ST8SIA2: variants seen among roughly 807,000 people sequenced by gnomAD.
ST8SIA2 encodes ST8 alpha-N-acetyl-neuraminide alpha-2,8-sialyltransferase 2, also known as alpha-2,8-sialyltransferase 8B.
A neutral mutation model predicts 37.6 loss-of-function variants in ST8SIA2; 22 were observed. The observed-to-expected ratio is 0.58, with a 90% CI of 0.42 to 0.83. ST8SIA2 has a LOEUF of 0.83. Among genes scored for constraint, ST8SIA2 ranks in the 40% least tolerant of loss-of-function variants. The probability of loss-of-function intolerance (pLI) is 0.00; values close to 1 mark genes in which losing one functional copy is unlikely to be tolerated. For synonymous variants in ST8SIA2, 205 were observed against 201.2 expected, an observed-to-expected ratio of 1.02 and a Z score of -0.16; for missense variants, 382 against 484.7, an observed-to-expected ratio of 0.79 and a Z score of 1.99.
At chr15:92,443,239 T>C (rs907461255) in intron 4 of ST8SIA2, among the ~76,000 whole-genome samples, 20 of 152,176 alleles carry the variant, frequency 1.3e-4, no homozygotes, top group African/African-American at 4.3e-4. Context: ...AGACTTATTT[T>C]CACTGGTCAA....
intron 5 of ST8SIA2, among the ~76,000 whole-genome samples, chr15:92,445,602 G>GA (rs1273093134): frequency 6.6e-6 from 1 of 152,138 alleles, no homozygotes; most frequent in African/African-American, 2.4e-5. Flanking sequence ...CTAAGATGGA[G>GA]GGGAACTTTA....
At chr15:92,407,728 C>G (rs2049519026) in intron 1 of ST8SIA2, among the ~76,000 whole-genome samples, 1 of 152,176 alleles carries the variant, frequency 6.6e-6, no homozygotes, top group Admixed American at 6.5e-5. Flanking sequence ...TCTGCTCTTC[C>G]AGATAAAGAA....
chr15:92,420,364 G>A (rs543271268), intron 1 of ST8SIA2, among the ~76,000 whole-genome samples: 23 of 152,282 alleles, frequency 1.5e-4, no homozygotes, highest in African/African-American at 4.6e-4. Context: ...GATCAGGAAC[G>A]ATTGCAGTGA....
At chr15:92,438,175 C>T (rs891024365) in intron 3 of ST8SIA2, among the ~76,000 whole-genome samples, 178 bp from the exon 4 acceptor site, 2 of 152,212 alleles carry the variant, frequency 1.3e-5, no homozygotes, top group Non-Finnish European at 2.9e-5. Flanking sequence ...TGCTTCTGGG[C>T]CACTTCTGGC....
At chr15:92,420,906 A>T (rs898820407) in intron 1 of ST8SIA2, 2 of 152,286 alleles carry the variant, frequency 1.3e-5, no homozygotes, top group Non-Finnish European at 2.9e-5. Flanking sequence ...TAGGAAAAGT[A>T]TCTCAAAGGC....
At chr15:92,394,902 G>C (rs1019835076) in intron 1 of ST8SIA2, among the ~76,000 whole-genome samples, 1 of 152,186 alleles carries the variant, frequency 6.6e-6, no homozygotes, top group East Asian at 1.9e-4. Context: ...CCGCCGCCCG[G>C]TGGGCTTCTG....
chr15:92,467,200 G>GA lies in ST8SIA2; in HGVS notation c.*2819dup, dbSNP rs1277180260. 1 of 153,144 alleles carries GA rather than the reference G, an allele frequency of 6.5e-6. No homozygotes were observed. The highest frequency in any genetic ancestry group is 2.4e-5 in the African/African-American group (1 of 41,418). 9.5% of individuals were successfully genotyped at this position (153,144 alleles called of 1,614,324 possible). The stretch of plus-strand genomic sequence containing the variant: ...AGCCTTCTGAAATGAGATCTACCCT[G>GA]AAAATCTCTTCTCCTTCCCCTTTCT... On this transcript the variant is annotated 3_prime_UTR_variant, in exon 6 of 6. Coordinates refer to ENST00000268164, the MANE Select transcript of ST8SIA2 (RefSeq NM_006011.4).
intron 5 of ST8SIA2, among the ~76,000 whole-genome samples, chr15:92,456,739 G>A (rs1269162967): frequency 6.6e-6 from 1 of 152,168 alleles, no homozygotes; most frequent in African/African-American, 2.4e-5. Context: ...AGATGTGCAG[G>A]CCCAGATCCC....
chr15:92,418,304 CA>C (rs947515466), intron 1 of ST8SIA2, among the ~76,000 whole-genome samples: 31 of 145,226 alleles, frequency 2.1e-4, no homozygotes, highest in South Asian at 8.7e-4. Flanking sequence ...AAATAACAAA[CA>C]AAAAAAAAAT....
intron 1 of ST8SIA2, among the ~76,000 whole-genome samples, chr15:92,424,576 G>A (rs1228115528): frequency 2.6e-5 from 4 of 151,554 alleles, no homozygotes; most frequent in Non-Finnish European, 2.9e-5. Flanking sequence ...TCTACTAGGA[G>A]AGAATATAAT....
chr15:92,395,702 G>A (rs1567207892), intron 1 of ST8SIA2, among the ~76,000 whole-genome samples: 1 of 152,188 alleles, frequency 6.6e-6, no homozygotes, highest in Non-Finnish European at 1.5e-5. Context: ...TCACGTCTTG[G>A]GGTAATGGAA....
At chr15:92,442,937 G>A (rs994803250) in intron 4 of ST8SIA2, among the ~76,000 whole-genome samples, 20 of 152,034 alleles carry the variant, frequency 1.3e-4, no homozygotes, top group African/African-American at 4.4e-4. Flanking sequence ...CTCACACACT[G>A]GGCCTCCATT....
At chr15:92,448,122 TAAGCCCTTTAAACAA>T (rs966929882) in intron 5 of ST8SIA2, among the ~76,000 whole-genome samples, 38 of 152,174 alleles carry the variant, frequency 2.5e-4, no homozygotes, top group Admixed American at 1.8e-3. Flanking sequence ...GCACCAGTAA[TAAGCCCTTTAAACAA>T]ACAGGCTGTT....
At chr15:92,448,812 A>G (rs1034938314) in intron 5 of ST8SIA2, among the ~76,000 whole-genome samples, 1 of 152,188 alleles carries the variant, frequency 6.6e-6, no homozygotes, top group East Asian at 1.9e-4. Flanking sequence ...GCAGTGGACT[A>G]AGTTAAACCA....
At chr15:92,439,387 C>T (rs1057378890) in intron 4 of ST8SIA2, among the ~76,000 whole-genome samples, 1 of 152,202 alleles carries the variant, frequency 6.6e-6, no homozygotes, top group Non-Finnish European at 1.5e-5. Flanking sequence ...ACAAGGTTGC[C>T]CATGGCCCTG....
At position 92,403,161 on chromosome 15, in the gene ST8SIA2, G is replaced by T. The variant is rs116409477; in HGVS notation, c.98+8999G>T. On this transcript the variant is annotated intron_variant, in intron 1 of 5. Transcript: ENST00000268164. ...CTCAACCTTCCCAAGCACCCTGTTAGTCCATTTGCAGATGAGGAAATGGAG... is the reference window on the plus strand; with the variant it reads ...CTCAACCTTCCCAAGCACCCTGTTATTCCATTTGCAGATGAGGAAATGGAG... 3.4e-3 allele frequency among the ~76,000 whole-genome samples: 521 copies of T among 152,280 alleles called. 4 individuals carry two copies. Among genetic ancestry groups the T allele is most frequent in the African/African-American group, 0.012 (497 of 41,556 alleles).
In ST8SIA2 at chr15:92,464,623, A is replaced by G. The variant is rs2049980141; in HGVS notation, c.*238A>G. On this transcript the variant is annotated 3_prime_UTR_variant, in exon 6 of 6. Coordinates refer to ENST00000268164, the MANE Select transcript of ST8SIA2 (RefSeq NM_006011.4). Reference sequence around the variant, plus strand: ...GATAGGCCACAGGAAGAAGGTGTGGAGAACCCACCTGAACCAGATTGAGAC... The same window carrying G: ...GATAGGCCACAGGAAGAAGGTGTGGGGAACCCACCTGAACCAGATTGAGAC... 1.8e-6 allele frequency: 1 copy of G among 568,930 alleles called. No individual in the cohort carries two copies. The highest frequency in any genetic ancestry group is 3.0e-5 in the East Asian group (1 of 33,024). The allele number at this position is 568,930 out of a possible 1,614,324, so 35.2% of individuals were successfully genotyped here.
intron 1 of ST8SIA2, among the ~76,000 whole-genome samples, chr15:92,399,322 A>T (rs2049453911): frequency 6.6e-6 from 1 of 152,234 alleles, no homozygotes; most frequent in African/African-American, 2.4e-5. Flanking sequence ...CTGACCCATC[A>T]GAACTGATGC....
In ST8SIA2 at chr15:92,466,255, T is replaced by C. The variant is rs1305153264; in HGVS notation, c.*1870T>C. The C allele has an allele frequency of 1.3e-5, 2 of 152,240 alleles. No homozygotes were observed. The highest frequency in any genetic ancestry group is 4.8e-5 in the African/African-American group (2 of 41,464). 9.4% of individuals were successfully genotyped at this position (152,240 alleles called of 1,614,324 possible). Reference sequence around the variant, plus strand: ...ATATTTTAAAAAGCAACAGCCCTAATAGCCTCTGTGGGAACTGAGTGGTTT... The same window carrying C: ...ATATTTTAAAAAGCAACAGCCCTAACAGCCTCTGTGGGAACTGAGTGGTTT... On this transcript the variant is annotated 3_prime_UTR_variant, in exon 6 of 6. Transcript: ENST00000268164.
Sources: allele counts gnomAD v4.1 joint callset (sites outside exome capture counted in the v4.1 genomes callset), GRCh38; gene constraint gnomAD v4.1.1; transcripts MANE v1.5; gene names NCBI Gene and HGNC (gene_info 2026-07-23, HGNC 2026-07-21).